MTR: variants seen among roughly 807,000 people sequenced by gnomAD.
The protein encoded by MTR is 5-methyltetrahydrofolate-homocysteine methyltransferase.
A neutral mutation model predicts 154.8 loss-of-function variants in MTR; 84 were observed. The observed-to-expected ratio is 0.54, with a 90% confidence interval of 0.45 to 0.65. MTR has a LOEUF of 0.65. Among genes scored for constraint, MTR ranks in the 30% least tolerant of loss-of-function variants. The pLI is 0.00. For missense variants in MTR, 1,275 were observed against 1,570.2 expected (o/e 0.81, Z 3.18); for synonymous variants, 554 against 553.9 (o/e 1.00, Z 0.00).
rs1666182325 is a variant in MTR at position 236,889,161 on chromosome 1, A to G, written c.2852-20A>G. On this transcript the variant is annotated intron_variant, in intron 27 of 32. Coordinates refer to ENST00000366577, the MANE Select transcript of MTR (RefSeq NM_000254.3). ...CAGGGTGCCAGCGTCAGCATTGACA[A>G]CCATACTTCTCTCCTGTAGTGAAGC... is the stretch of plus-strand genomic sequence containing the variant. 1.2e-6 allele frequency: 2 copies of G among 1,613,892 alleles called. No homozygotes were observed. The highest frequency in any genetic ancestry group is 1.1e-5 in the South Asian group (1 of 91,070).
In MTR at chr1:236,892,809, C is replaced by CT. The variant is rs543836933; in HGVS notation, c.3204+1483dup. 2.2e-3 allele frequency among the ~76,000 whole-genome samples: 333 copies of CT among 152,336 alleles called. 5 individuals carry two copies. Among genetic ancestry groups the CT allele is most frequent in the African/African-American group, 7.4e-3 (308 of 41,578 alleles). ...TCAAAAACCTCTGCTCTAGCCCAGT[C>CT]TTTCATCTTTCAAGTCCTGTGTCCT... On this transcript the variant is annotated intron_variant, in intron 29 of 32. Coordinates refer to ENST00000366577, the MANE Select transcript of MTR (RefSeq NM_000254.3).
chr1:236,901,624 A>T lies in MTR; in HGVS notation c.*3980A>T, dbSNP rs1215946447. On this transcript the variant is annotated 3_prime_UTR_variant, in exon 33 of 33. Transcript: ENST00000366577. ...TATTTCTTACAGTTCAGGAGTCTGG[A>T]AGTCCAAGATCATGGTGCCATCATG... is the stretch of plus-strand genomic sequence containing the variant. 1.3e-5 allele frequency: 2 copies of T among 152,176 alleles called. No homozygotes were observed. The highest frequency in any genetic ancestry group is 2.9e-5 in the Non-Finnish European group (2 of 68,052). The allele number at this position is 152,176 out of a possible 1,614,324, so 9.4% of individuals were successfully genotyped here. A position where few individuals can be genotyped will look rare whatever the true frequency, so the allele number is the denominator to read the frequency against.
chr1:236,870,043 T>C (rs920080576), intron 22 of MTR, among the ~76,000 whole-genome samples: 3 of 152,208 alleles, frequency 2.0e-5, no homozygotes, highest in African/African-American at 7.2e-5. Flanking sequence ...TCAACTCAGA[T>C]GTGCCAGGAA....
At chr1:236,803,243 AT>A (rs1220158958) in intron 1 of MTR, among the ~76,000 whole-genome samples, 184 bp from the exon 2 acceptor site, 3 of 152,296 alleles carry the variant, frequency 2.0e-5, no homozygotes, top group Non-Finnish European at 4.4e-5. Context: ...GCAATCTTGT[AT>A]TAGGCATTGT....
In MTR at chr1:236,902,271, G is replaced by C. The variant is rs373699977; in HGVS notation, c.*4627G>C. On this transcript the variant is annotated 3_prime_UTR_variant, in exon 33 of 33. Transcript: ENST00000366577. ...CCTCTGTCTGGAATAACCCCACCCC[G>C]GTTCCACCCAAGTCAGGAAAGCTTC... 6.6e-6 allele frequency: 1 copy of C among 151,950 alleles called. No homozygotes were observed. The highest frequency in any genetic ancestry group is 6.6e-5 in the Admixed American group (1 of 15,236). 9.4% of individuals were successfully genotyped at this position (151,950 alleles called of 1,614,324 possible).
At chr1:236,804,175 A>G (rs975133167) in intron 2 of MTR, among the ~76,000 whole-genome samples, 1 of 152,228 alleles carries the variant, frequency 6.6e-6, no homozygotes, top group Non-Finnish European at 1.5e-5. Context: ...AGAGAGAACA[A>G]AAAACTCTCA....
At position 236,895,394 on chromosome 1, in the gene MTR, G is replaced by C. The variant is rs778610968; in HGVS notation, c.3442G>C (p.Glu1148Gln). 18 of 1,604,964 alleles carry C rather than the reference G, an allele frequency of 1.1e-5. No homozygotes were observed. The highest frequency in any genetic ancestry group is 1.2e-5 in the Non-Finnish European group (14 of 1,175,514). The change falls in exon 31 of 33, where the codon GAA (glutamate) becomes CAA (glutamine). Residue 1148 changes from glutamate to glutamine, a missense_variant. By Grantham distance (29) the Glu-to-Gln change is conservative. Coordinates refer to ENST00000366577, the MANE Select transcript of MTR (RefSeq NM_000254.3). Reference protein sequence around the residue: ...AEELHERVRRELWAYCGSEQL... With the variant: ...AEELHERVRRQLWAYCGSEQL... ...AGAGCTCCATGAAAGAGTTCGCCGAGAACTGTGGGCCTACTGTGGCAGTGA... is the reference window on the plus strand; with the variant it reads ...AGAGCTCCATGAAAGAGTTCGCCGACAACTGTGGGCCTACTGTGGCAGTGA...
intron 13 of MTR, among the ~76,000 whole-genome samples, chr1:236,835,329 G>T (rs1209594433): frequency 6.6e-6 from 1 of 152,030 alleles, no homozygotes; most frequent in African/African-American, 2.4e-5. Context: ...AAACAGCTTT[G>T]GTGGATTCTA....
At chr1:236,812,978 G>A in intron 6 of MTR, 134 bp downstream of exon 6, 1 of 769,650 alleles carries the variant, frequency 1.3e-6, no homozygotes, top group Non-Finnish European at 2.2e-6. Context: ...TTATTCTTGA[G>A]TATTTTTAAC....
intron 12 of MTR, 107 bp from the exon 13 acceptor site, chr1:236,831,859 G>T (rs1662631299): frequency 1.2e-6 from 1 of 802,450 alleles, no homozygotes. Flanking sequence ...GCTCAGATGG[G>T]CTATGGTGCA....
intron 1 of MTR, among the ~76,000 whole-genome samples, chr1:236,799,021 C>A (rs1442160467): frequency 6.6e-6 from 1 of 152,106 alleles, no homozygotes; most frequent in Non-Finnish European, 1.5e-5. Flanking sequence ...CACTTAATAC[C>A]AACAGATTTT....
rs185795300 is a variant in MTR, at chr1:236,861,795, C to T, written c.2197-441C>T. ...TTGAGCATGTAGGTTAGTGGCTGTG[C>T]GGCATTTGAGAAACTAAAAGGCCTT... On this transcript the variant is annotated intron_variant, in intron 20 of 32. Coordinates refer to ENST00000366577, the MANE Select transcript of MTR (RefSeq NM_000254.3). 4.1e-3 allele frequency among the ~76,000 whole-genome samples: 620 copies of T among 152,224 alleles called. 4 individuals are homozygous for T. The highest frequency in any genetic ancestry group is 0.014 in the African/African-American group (600 of 41,554).
chr1:236,803,574 A>G lies in MTR; in HGVS notation c.181A>G (p.Arg61Gly). The stretch of plus-strand genomic sequence containing the variant: ...AGGTCAGGAATTTAAAGATCATGCC[A>G]GGCCGCTGAAAGGCAACAATGACAT... ...FRGQEFKDHA[R>G]PLKGNNDILS... The change falls in exon 2 of 33, where the codon AGG (arginine) becomes GGG (glycine). Residue 61 changes from arginine to glycine, a missense_variant. Physicochemically the swap from Arg to Gly is moderately radical, Grantham distance 125 (BLOSUM62 -2). Coordinates refer to ENST00000366577, the MANE Select transcript of MTR (RefSeq NM_000254.3). 5 of 1,614,224 alleles carry G rather than the reference A, an allele frequency of 3.1e-6. No individual in the cohort carries two copies. The Middle Eastern group carries it at 5.0e-4, about 160-fold the overall frequency.
At chr1:236,874,688 C>A in intron 23 of MTR, 38 bp from the exon 24 acceptor site, 3 of 1,466,248 alleles carry the variant, frequency 2.0e-6, no homozygotes, top group Non-Finnish European at 2.7e-6. Flanking sequence ...TCCTCACTGT[C>A]CTTTTTGTCC....
Position 236,861,289 on chromosome 1 carries a change from A to T in MTR, c.2196+12A>T, listed in dbSNP as rs1664530187. 1 of 1,613,768 alleles carries T rather than the reference A, an allele frequency of 6.2e-7. No individual in the cohort carries two copies. Among genetic ancestry groups the T allele is most frequent in the African/African-American group, 1.3e-5 (1 of 75,012 alleles). Reference sequence around the variant, plus strand: ...TGTTTCTACCTCAGGTTAGCAAAATATGGGGAGAAATTTTCACAGTTGCAT... The same window carrying T: ...TGTTTCTACCTCAGGTTAGCAAAATTTGGGGAGAAATTTTCACAGTTGCAT... On this transcript the variant is annotated intron_variant, in intron 20 of 32. Transcript: ENST00000366577.
In MTR at chr1:236,832,090, A is replaced by G; in HGVS notation, c.1188+12A>G. 3 of 1,595,462 alleles carry G rather than the reference A, an allele frequency of 1.9e-6. No homozygotes were observed. On this transcript the variant is annotated intron_variant, in intron 13 of 32. Coordinates refer to ENST00000366577, the MANE Select transcript of MTR (RefSeq NM_000254.3). ...CAGGAAACTATGAAGTGAGCATCTTAATAAGACCCCTGAGGCATCTGCCCA... is the reference window on the plus strand; with the variant it reads ...CAGGAAACTATGAAGTGAGCATCTTGATAAGACCCCTGAGGCATCTGCCCA...
At chr1:236,841,408 A>G (rs1381462973) in intron 15 of MTR, among the ~76,000 whole-genome samples, 1 of 152,090 alleles carries the variant, frequency 6.6e-6, no homozygotes, top group Non-Finnish European at 1.5e-5. Context: ...TTTTCTATGT[A>G]TTTCGCCTTC....
chr1:236,832,067 G>A lies in MTR; in HGVS notation c.1177G>A (p.Gly393Arg). ...SRKFAKLIMA[G>R]NYEEALCVAK... The stretch of plus-strand genomic sequence containing the variant: ...GAAGTTTGCTAAACTCATCATGGCA[G>A]GAAACTATGAAGTGAGCATCTTAAT... The change falls in exon 13 of 33, where the codon GGA becomes AGA. Residue 393 changes from glycine (G) to arginine (R), a missense_variant. Transcript: ENST00000366577. 1 of 1,613,100 alleles carries A rather than the reference G, an allele frequency of 6.2e-7. No homozygotes were observed. Among genetic ancestry groups the A allele is most frequent in the African/African-American group, 1.3e-5 (1 of 75,032 alleles).
At chr1:236,800,168 C>T in intron 1 of MTR, 2 of 985,390 alleles carry the variant, frequency 2.0e-6, no homozygotes, top group Non-Finnish European at 2.4e-6. Flanking sequence ...CTTGTGTGCA[C>T]TCGCTCAGTG....
Sources: allele counts gnomAD v4.1 joint callset (sites outside exome capture counted in the v4.1 genomes callset), GRCh38; gene constraint gnomAD v4.1.1; transcripts MANE v1.5; gene names NCBI Gene and HGNC (gene_info 2026-07-23, HGNC 2026-07-21).